Variants in TTLL5 observed in about 807,000 individuals in gnomAD.
TTLL5 encodes the protein tubulin tyrosine ligase like 5.
A neutral mutation model predicts 168.4 loss-of-function variants in TTLL5; 132 were observed. The observed-to-expected ratio is 0.78, with a 90% CI of 0.68 to 0.91. The LOEUF is 0.91. Ranked by LOEUF, TTLL5 falls within the 40% of genes least tolerant of loss-of-function variation. TTLL5 has a pLI of 0.00. For synonymous variants in TTLL5, 546 were observed against 558.6 expected (o/e 0.98, Z 0.32); for missense variants, 1,545 against 1,581.5 (o/e 0.98, Z 0.39).
intron 31 of TTLL5, chr14:75,930,701 G>A (rs2034248009): frequency 2.1e-6 from 2 of 949,994 alleles, no homozygotes; most frequent in Non-Finnish European, 2.5e-6. Context: ...GCACTTTTAT[G>A]GTTCTGAGAG....
chr14:75,897,717 C>T (rs1268849260), intron 30 of TTLL5, among the ~76,000 whole-genome samples: 1 of 152,156 alleles, frequency 6.6e-6, no homozygotes, highest in Admixed American at 6.5e-5. Flanking sequence ...TTCAGGTCTT[C>T]CTGCCTCAGC....
rs1317049364 is a variant in TTLL5 at position 75,779,737 on chromosome 14, G to A, written c.2515+35G>A. ...CTGGTTAATGAACGAAAAATAAGAA[G>A]AACAAGTGAAGAAATGAGAAATGCA... On this transcript the variant is annotated intron_variant, in intron 24 of 31. Coordinates refer to ENST00000298832, the MANE Select transcript of TTLL5 (RefSeq NM_015072.5). 49 of 1,574,122 alleles carry A rather than the reference G, an allele frequency of 3.1e-5. 1 individual carries two copies. The highest frequency in any genetic ancestry group is 3.9e-5 in the Non-Finnish European group (45 of 1,160,300).
At position 75,674,959 on chromosome 14, in the gene TTLL5, A is replaced by G. The variant is rs1045225649; in HGVS notation, c.181+5437A>G. Among the ~76,000 whole-genome samples the G allele has an allele frequency of 8.5e-5, 13 of 152,210 alleles. No individual in the cohort carries two copies. In the South Asian group the frequency reaches 2.7e-3, roughly 32 times the overall value. On this transcript the variant is annotated intron_variant, in intron 3 of 31. Transcript: ENST00000298832. ...TTTTATATCTAGTATATATTTTAACATAACAGAGCATCTCAATTTGCAAAA... is the reference window on the plus strand; with the variant it reads ...TTTTATATCTAGTATATATTTTAACGTAACAGAGCATCTCAATTTGCAAAA...
At chr14:75,749,820 T>C (rs1429697121) in intron 17 of TTLL5, among the ~76,000 whole-genome samples, 1 of 152,134 alleles carries the variant, frequency 6.6e-6, no homozygotes, top group Non-Finnish European at 1.5e-5. Context: ...TATCAACAAA[T>C]GTCTACATTA....
intron 2 of TTLL5, among the ~76,000 whole-genome samples, chr14:75,664,805 T>C (rs1883130058): frequency 6.6e-6 from 1 of 152,250 alleles, no homozygotes; most frequent in Admixed American, 6.5e-5. Flanking sequence ...TTTTAACTTC[T>C]GCTGCAAGTA....
chr14:75,902,434 G>T (rs1595237998), intron 31 of TTLL5: 1 of 686,640 alleles, frequency 1.5e-6, no homozygotes, highest in East Asian at 2.8e-5. Flanking sequence ...ACTAGCTTGG[G>T]GTAAATGAAA....
At chr14:75,776,473 T>A (rs1403450552) in intron 22 of TTLL5, among the ~76,000 whole-genome samples, 1 of 152,236 alleles carries the variant, frequency 6.6e-6, no homozygotes, top group Non-Finnish European at 1.5e-5. Flanking sequence ...TAAAAACCTC[T>A]TTAATCAATG....
intron 28 of TTLL5, among the ~76,000 whole-genome samples, chr14:75,845,357 G>A (rs1346970003): frequency 6.6e-5 from 10 of 152,296 alleles, no homozygotes; most frequent in South Asian, 4.1e-4. Context: ...AGGACTCCCC[G>A]TGGCTGTAGA....
intron 28 of TTLL5, among the ~76,000 whole-genome samples, chr14:75,852,451 A>C (rs1177076034): frequency 6.6e-6 from 1 of 152,184 alleles, no homozygotes; most frequent in Non-Finnish European, 1.5e-5. Flanking sequence ...GCTTGCACTT[A>C]CAATTTCGTG....
chr14:75,678,749 T>G (rs1219162497), intron 3 of TTLL5, among the ~76,000 whole-genome samples: 2 of 152,234 alleles, frequency 1.3e-5, no homozygotes, highest in South Asian at 2.1e-4. Flanking sequence ...GTATAACATT[T>G]GGGAGTATGT....
chr14:75,720,935 G>A (rs1226294160), intron 12 of TTLL5, among the ~76,000 whole-genome samples: 7 of 152,174 alleles, frequency 4.6e-5, no homozygotes, highest in Non-Finnish European at 7.3e-5. Context: ...GGATTGGAAC[G>A]AACGTGTTGG....
At chr14:75,931,000 T>C (rs373906930) in intron 31 of TTLL5, among the ~76,000 whole-genome samples, 1 of 152,178 alleles carries the variant, frequency 6.6e-6, no homozygotes, top group South Asian at 2.1e-4. Flanking sequence ...TTGTTAATTT[T>C]CATATTATTC....
chr14:75,779,848 T>A, intron 24 of TTLL5, 146 bp downstream of exon 24: 1 of 735,016 alleles, frequency 1.4e-6, no homozygotes, highest in Non-Finnish European at 2.0e-6. Flanking sequence ...GAGTGGAGAA[T>A]GGGGGACAGT....
chr14:75,684,492 C>G (rs1884879713), intron 5 of TTLL5: 1 of 152,152 alleles, frequency 6.6e-6, no homozygotes, highest in Non-Finnish European at 1.5e-5. Flanking sequence ...TATAATCTAG[C>G]TATTAGCTGA....
At chr14:75,776,999 T>C in intron 23 of TTLL5, 149 bp downstream of exon 23, 1 of 642,074 alleles carries the variant, frequency 1.6e-6, no homozygotes, top group Non-Finnish European at 2.6e-6. Flanking sequence ...TTAGTTCTAG[T>C]TACTTGGGAG....
At chr14:75,910,223 C>CG (rs2033317218) in intron 31 of TTLL5, among the ~76,000 whole-genome samples, 1 of 152,274 alleles carries the variant, frequency 6.6e-6, no homozygotes, top group East Asian at 1.9e-4. Flanking sequence ...TAAAGAGACA[C>CG]GGGAAGTACA....
At chr14:75,916,827 T>C (rs1379999681) in intron 31 of TTLL5, among the ~76,000 whole-genome samples, 1 of 152,228 alleles carries the variant, frequency 6.6e-6, no homozygotes, top group Non-Finnish European at 1.5e-5. Flanking sequence ...ATGTGGTCTA[T>C]GTATTCAGTG....
intron 28 of TTLL5, among the ~76,000 whole-genome samples, chr14:75,850,242 A>G (rs1261682580): frequency 6.6e-6 from 1 of 151,938 alleles, no homozygotes; most frequent in Non-Finnish European, 1.5e-5. Flanking sequence ...CCCCGTCTCT[A>G]CTAAAAATAC....
At chr14:75,937,122 A>T (rs1012170367) in intron 31 of TTLL5, among the ~76,000 whole-genome samples, 55 of 146,270 alleles carry the variant, frequency 3.8e-4, no homozygotes, top group Non-Finnish European at 5.1e-4. Flanking sequence ...GTACATTTAC[A>T]TTTTTTTTTT....
Sources: gnomAD v4.1 joint callset for allele counts (sites outside exome capture counted in the v4.1 genomes callset) on GRCh38, gnomAD v4.1.1 for gene constraint, MANE v1.5 for transcripts, NCBI Gene and HGNC (gene_info 2026-07-23, HGNC 2026-07-21) for gene names.